The following ATP2C1 variants were observed in gnomAD, a reference collection of about 807,000 sequenced individuals.
The protein encoded by ATP2C1 is ATPase secretory pathway Ca2+ transporting 1.
In ATP2C1, 31 loss-of-function variants were observed where a neutral mutation model predicts 120.5. The observed-to-expected ratio is 0.26, with a 90% CI of 0.19 to 0.35. The LOEUF is 0.35. ATP2C1 is among the 10% of genes least tolerant of loss of function. The pLI is 1.00. For synonymous variants in ATP2C1, 351 were observed against 358.7 expected, an observed-to-expected ratio of 0.98 and a Z score of 0.24; for missense variants, 731 against 1,107.5, an observed-to-expected ratio of 0.66 and a Z score of 4.83.
chr3:130,873,988 T>C (rs1309686505), intron 1 of ATP2C1, among the ~76,000 whole-genome samples: 1 of 151,768 alleles, frequency 6.6e-6, no homozygotes, highest in Non-Finnish European at 1.5e-5. Flanking sequence ...CGGGTGCCTG[T>C]AATCCCAGCT....
At chr3:130,858,521 C>T (rs988884384) in intron 1 of ATP2C1, among the ~76,000 whole-genome samples, 1 of 152,222 alleles carries the variant, frequency 6.6e-6, no homozygotes, top group African/African-American at 2.4e-5. Flanking sequence ...CACTTGGTAA[C>T]TGTCCTTTGC....
chr3:130,917,534 G>A (rs1054988387), intron 2 of ATP2C1, among the ~76,000 whole-genome samples: 2 of 152,184 alleles, frequency 1.3e-5, no homozygotes, highest in Admixed American at 6.5e-5. Context: ...TTACATGGTA[G>A]TGTGTGCTAA....
Position 130,969,288 on chromosome 3 carries a change from A to G in ATP2C1, c.1309-4A>G. On this transcript the variant is annotated splice_region_variant and splice_polypyrimidine_tract_variant and intron_variant, in intron 16 of 27. Transcript: ENST00000510168. ...AGAATTAACTTTCTCTTTGTGCCAT[A>G]TAGATGGGTCTTGATGGACTTCAAC... 4 of 1,606,668 alleles carry G rather than the reference A, an allele frequency of 2.5e-6. No homozygotes were observed. Among genetic ancestry groups the G allele is most frequent in the East Asian group, 2.2e-5 (1 of 44,784 alleles).
In ATP2C1 at chr3:131,002,210, A is replaced by G. The variant is rs1250342255; in HGVS notation, c.*860A>G. ...TGAGGTAAAGATATATACTTTGTCA[A>G]ATATCATTTTGTCATCCTCTAAATA... is the stretch of plus-strand genomic sequence containing the variant. On this transcript the variant is annotated 3_prime_UTR_variant, in exon 28 of 28. Transcript: ENST00000510168. 1.0e-6 allele frequency: 1 copy of G among 969,678 alleles called. No individual in the cohort carries two copies. The allele number at this position is 969,678 out of a possible 1,614,324, so 60.1% of individuals were successfully genotyped here. A position where few individuals can be genotyped will look rare whatever the true frequency, so the allele number is the denominator to read the frequency against.
At chr3:130,995,899 C>T (rs1293112308) in intron 22 of ATP2C1, 144 bp from the exon 23 acceptor site, 1 of 636,858 alleles carries the variant, frequency 1.6e-6, no homozygotes, top group Non-Finnish European at 2.8e-6. Context: ...CCAGTTTCGG[C>T]CTCCCAGTGT....
rs535152073 is a variant in ATP2C1, at chr3:130,943,307, C to T, written c.531+1608C>T. 5.2e-3 allele frequency among the ~76,000 whole-genome samples: 785 copies of T among 152,296 alleles called. 5 individuals are homozygous for T. The highest frequency in any genetic ancestry group is 0.024 in the Middle Eastern group (7 of 294). On this transcript the variant is annotated intron_variant, in intron 8 of 27. Transcript: ENST00000510168. Reference sequence around the variant, plus strand: ...CTCAGCTCACTGCAGTCTCCATCTCCTGGGTTCAAGCAATTCTCCTGCCTC... The same window carrying T: ...CTCAGCTCACTGCAGTCTCCATCTCTTGGGTTCAAGCAATTCTCCTGCCTC...
intron 18 of ATP2C1, among the ~76,000 whole-genome samples, chr3:130,976,955 C>G (rs1052468107): frequency 6.6e-6 from 1 of 152,152 alleles, no homozygotes; most frequent in Non-Finnish European, 1.5e-5. Flanking sequence ...GTTGGCAGAC[C>G]AAACTGTTTG....
At chr3:130,889,638 CT>C (rs1170424148), upstream of ATP2C1, among the ~76,000 whole-genome samples, 12,708 of 77,662 alleles carry the variant, frequency 0.16, 345 homozygotes, top group Middle Eastern at 0.23. Flanking sequence ...ATTCTTTAAA[CT>C]TTTTTTTTTT....
At chr3:130,979,969 A>C (rs1218107467) in intron 19 of ATP2C1, among the ~76,000 whole-genome samples, 1 of 152,182 alleles carries the variant, frequency 6.6e-6, no homozygotes, top group African/African-American at 2.4e-5. Flanking sequence ...GCTAAACTCC[A>C]TTAATTCTTA....
At chr3:130,959,185 C>G (rs1446731709) in intron 11 of ATP2C1, 90 bp from the exon 12 acceptor site, 7 of 923,738 alleles carry the variant, frequency 7.6e-6, no homozygotes, top group Non-Finnish European at 1.0e-5. Context: ...CCTTTTTTGT[C>G]AAGGGACGTT....
chr3:130,986,923 G>GTTTAGTTAGT, intron 20 of ATP2C1, among the ~76,000 whole-genome samples: 1 of 2,506 alleles, frequency 4.0e-4, no homozygotes, highest in East Asian at 5.7e-3. Context: ...GTTTAGTTTA[G>GTTTAGTTAGT]TTAGTTTAGT....
chr3:130,900,263 T>C (rs1172150213), intron 2 of ATP2C1, among the ~76,000 whole-genome samples: 1 of 152,074 alleles, frequency 6.6e-6, no homozygotes, highest in Non-Finnish European at 1.5e-5. Flanking sequence ...GGTCTTGATA[T>C]ATTGCCCATG....
chr3:130,859,276 C>G (rs949975646), intron 1 of ATP2C1, among the ~76,000 whole-genome samples: 2 of 152,160 alleles, frequency 1.3e-5, no homozygotes, highest in African/African-American at 2.4e-5. Context: ...GAATCAAATG[C>G]CTTTGGTGAT....
At chr3:130,887,194 T>C (rs1016740272) in intron 1 of ATP2C1, among the ~76,000 whole-genome samples, 3 of 152,206 alleles carry the variant, frequency 2.0e-5, no homozygotes, top group African/African-American at 7.2e-5. Flanking sequence ...GAAGTCTCTC[T>C]GTGCTGAGCT....
chr3:131,001,500 C>G lies in ATP2C1; in HGVS notation c.*150C>G. 7.5e-7 allele frequency: 1 copy of G among 1,332,458 alleles called. No individual in the cohort carries two copies. The highest frequency in any genetic ancestry group is 9.6e-7 in the Non-Finnish European group (1 of 1,040,290). The allele number at this position is 1,332,458 out of a possible 1,614,324, so 82.5% of individuals were successfully genotyped here. ...TAATGTTAAAGACTTAAGACTTTAA[C>G]CTGCTGGCAGTCCCAAATGAAATTA... is the stretch of plus-strand genomic sequence containing the variant. On this transcript the variant is annotated 3_prime_UTR_variant, in exon 28 of 28. Transcript: ENST00000510168.
rs2060001283 is a variant in ATP2C1, at chr3:130,943,331, T to G, written c.531+1632T>G. 2.0e-5 allele frequency among the ~76,000 whole-genome samples: 3 copies of G among 152,162 alleles called. No homozygotes were observed. The South Asian group carries it at 6.2e-4, about 32-fold the overall frequency. ...CCTGGGTTCAAGCAATTCTCCTGCCTCAGGCTCCCAATAGCTGAGATTACA... is the reference window on the plus strand; with the variant it reads ...CCTGGGTTCAAGCAATTCTCCTGCCGCAGGCTCCCAATAGCTGAGATTACA... On this transcript the variant is annotated intron_variant, in intron 8 of 27. Coordinates refer to ENST00000510168, the MANE Select transcript of ATP2C1 (RefSeq NM_001378687.1).
intron 1 of ATP2C1, among the ~76,000 whole-genome samples, chr3:130,857,460 TA>T (rs1424145754): frequency 3.3e-5 from 5 of 152,134 alleles, no homozygotes; most frequent in African/African-American, 1.2e-4. Flanking sequence ...ATTCTACCCC[TA>T]AAAAACTCCC....
At chr3:130,905,863 GT>G (rs2058096468) in intron 2 of ATP2C1, among the ~76,000 whole-genome samples, 1 of 152,052 alleles carries the variant, frequency 6.6e-6, no homozygotes, top group South Asian at 2.1e-4. Context: ...TGGTTCCTTA[GT>G]TTCAGCTCTC....
chr3:130,894,277 G>T lies in ATP2C1; in HGVS notation c.-241G>T. On this transcript the variant is annotated 5_prime_UTR_variant, in exon 1 of 28. Transcript: ENST00000510168. This position sits in a 1 kb window ranked among gnomAD's most constrained non-coding sequence, Gnocchi z 4.5. The stretch of plus-strand genomic sequence containing the variant: ...CCTCTTCTCCCGAGGCGCGCGGGGC[G>T]CCCCCGCGAGCCCCGCGGCTGAGAC... 1.0e-6 allele frequency: 1 copy of T among 985,940 alleles called. No individual in the cohort carries two copies. The highest frequency in any genetic ancestry group is 1.2e-6 in the Non-Finnish European group (1 of 830,338). The allele number at this position is 985,940 out of a possible 1,614,324, so 61.1% of individuals were successfully genotyped here.
Sources: allele counts gnomAD v4.1 joint callset (sites outside exome capture counted in the v4.1 genomes callset), GRCh38; gene constraint gnomAD v4.1.1; non-coding constraint Gnocchi (gnomAD v3.1); transcripts MANE v1.5; gene names NCBI Gene and HGNC (gene_info 2026-07-23, HGNC 2026-07-21).